SPON1: variants seen among roughly 807,000 people sequenced by gnomAD.
SPON1 encodes the protein spondin 1.
In SPON1, 52 loss-of-function variants were observed where a neutral mutation model predicts 111.7. The observed-to-expected ratio is 0.47, with a 90% CI of 0.37 to 0.59. The LOEUF (loss-of-function observed/expected upper bound fraction) is 0.59, where lower values mean the gene tolerates loss of function less well. Ranked by LOEUF, SPON1 falls within the 20% of genes least tolerant of loss-of-function variation. The pLI is 0.00. For synonymous variants in SPON1, 410 were observed against 395.8 expected, an observed-to-expected ratio of 1.04 and a Z score of -0.43; for missense variants, 957 against 1,068.5, an observed-to-expected ratio of 0.90 and a Z score of 1.46.
At chr11:14,260,459 C>A in intron 13 of SPON1, 129 bp from the exon 14 acceptor site, 2 of 964,918 alleles carry the variant, frequency 2.1e-6, no homozygotes, top group South Asian at 1.8e-5. Flanking sequence ...CTTATTTGAA[C>A]CCATGGGCCA....
At chr11:14,139,568 A>G (rs1554928542) in intron 6 of SPON1, among the ~76,000 whole-genome samples, 3 of 152,150 alleles carry the variant, frequency 2.0e-5, no homozygotes, top group Admixed American at 6.5e-5. Context: ...ATAAATATTT[A>G]TTGAACTTAT....
In SPON1 at chr11:14,160,509, TTA is replaced by T. The variant is rs1193711347; in HGVS notation, c.825+24951_825+24952del. Among the ~76,000 whole-genome samples the T allele has an allele frequency of 1.5e-4, 2 of 13,010 alleles. 1 individual carries two copies. The highest frequency in any genetic ancestry group is 6.6e-4 in the African/African-American group (2 of 3,042). 8.5% of individuals were successfully genotyped at this position (13,010 alleles called of 152,430 possible). The stretch of plus-strand genomic sequence containing the variant: ...TATATATATATTTACATATATATAT[TTA>T]TATATATATTTACATATATATATTT... On this transcript the variant is annotated intron_variant, in intron 6 of 15. Transcript: ENST00000576479.
rs782788293 is a variant in SPON1, at chr11:13,963,045, C to A, written c.141C>A (p.Ile47=). 1 of 1,582,632 alleles carries A rather than the reference C, an allele frequency of 6.3e-7. No individual in the cohort carries two copies. Among genetic ancestry groups the A allele is most frequent in the East Asian group, 2.4e-5 (1 of 42,452 alleles). Residue 47 remains isoleucine (I), a synonymous_variant, in exon 1 of 16, where the codon ATC becomes ATA. Transcript: ENST00000576479. ...VPKSEGYCSR[I]LRAQGTRREG... The stretch of plus-strand genomic sequence containing the variant: ...AGTCAGAGGGCTACTGCAGCCGTAT[C>A]CTGCGCGCCCAGGGCACGCGGCGCG...
chr11:14,068,579 A>C (rs868991893), intron 3 of SPON1, among the ~76,000 whole-genome samples: 11 of 152,306 alleles, frequency 7.2e-5, no homozygotes, highest in African/African-American at 2.4e-4. Context: ...TGGGCCTGCC[A>C]AGGGTCTCTT....
At chr11:14,111,037 C>T (rs1181424371) in intron 5 of SPON1, among the ~76,000 whole-genome samples, 1 of 152,168 alleles carries the variant, frequency 6.6e-6, no homozygotes, top group Non-Finnish European at 1.5e-5. Flanking sequence ...AACTGGGATT[C>T]TGGGGTTCAC....
At chr11:14,127,809 A>T (rs147535962) in intron 5 of SPON1, among the ~76,000 whole-genome samples, 9 of 152,260 alleles carry the variant, frequency 5.9e-5, no homozygotes, top group Non-Finnish European at 1.0e-4. Context: ...ATTGACTCAC[A>T]GTTCCGCATG....
intron 6 of SPON1, among the ~76,000 whole-genome samples, chr11:14,210,779 A>G (rs1848567074): frequency 6.6e-6 from 1 of 152,180 alleles, no homozygotes; most frequent in Non-Finnish European, 1.5e-5. Context: ...TAATTTTTGT[A>G]TAAGGTGTAA....
chr11:14,069,934 C>T (rs1848862272), intron 3 of SPON1, among the ~76,000 whole-genome samples: 1 of 152,064 alleles, frequency 6.6e-6, no homozygotes, highest in Non-Finnish European at 1.5e-5. Flanking sequence ...TCTTGGGCTT[C>T]CTGGATACTT....
At chr11:14,196,381 T>C (rs1848402348) in intron 6 of SPON1, among the ~76,000 whole-genome samples, 1 of 152,222 alleles carries the variant, frequency 6.6e-6, no homozygotes, top group South Asian at 2.1e-4. Flanking sequence ...CCATTGAAAA[T>C]GTTCTAAATC....
chr11:14,090,842 C>A (rs1387005345), intron 5 of SPON1, among the ~76,000 whole-genome samples: 4 of 42,568 alleles, frequency 9.4e-5, no homozygotes, highest in Non-Finnish European at 1.1e-4. Context: ...CCCCCCCCCC[C>A]CCGCCCACAT....
intron 7 of SPON1, among the ~76,000 whole-genome samples, chr11:14,252,915 T>G (rs1333780681): frequency 2.6e-5 from 4 of 152,232 alleles, no homozygotes; most frequent in African/African-American, 9.6e-5. Flanking sequence ...GGCTCAAGAA[T>G]CTGTATTTCT....
At chr11:14,093,796 T>A (rs527683697) in intron 5 of SPON1, among the ~76,000 whole-genome samples, 1 of 152,362 alleles carries the variant, frequency 6.6e-6, no homozygotes, top group South Asian at 2.1e-4. Flanking sequence ...ACTGTTCTAC[T>A]TTTTGCATTT....
At chr11:13,980,569 T>C (rs1310890400) in intron 1 of SPON1, among the ~76,000 whole-genome samples, 1 of 152,060 alleles carries the variant, frequency 6.6e-6, no homozygotes, top group Admixed American at 6.5e-5. Context: ...ATATTTTAAG[T>C]TTTAGGGTAC....
chr11:14,199,996 G>A (rs138860132), intron 6 of SPON1, among the ~76,000 whole-genome samples: 311 of 152,210 alleles, frequency 2.0e-3, no homozygotes, highest in Non-Finnish European at 2.7e-3. Flanking sequence ...TGCCCCATGC[G>A]TTTTTACACA....
At chr11:14,035,848 G>A (rs563677535) in intron 2 of SPON1, among the ~76,000 whole-genome samples, 1 of 152,156 alleles carries the variant, frequency 6.6e-6, no homozygotes, top group East Asian at 1.9e-4. Context: ...GAACTCCTAA[G>A]CTCAAGCAAT....
At chr11:14,183,537 G>A (rs368903937) in intron 6 of SPON1, among the ~76,000 whole-genome samples, 1 of 152,150 alleles carries the variant, frequency 6.6e-6, no homozygotes, top group East Asian at 1.9e-4. Flanking sequence ...GAGTATCGTA[G>A]CCAGTGTTTG....
At chr11:14,016,113 AGTTCCCTCTTCC>A in intron 2 of SPON1, among the ~76,000 whole-genome samples, 1 of 152,374 alleles carries the variant, frequency 6.6e-6, no homozygotes, top group Non-Finnish European at 1.5e-5. Context: ...CTCTGATGGC[AGTTCCCTCTTCC>A]TAGATTCCCT....
At chr11:14,089,419 G>T (rs1849032302) in intron 5 of SPON1, among the ~76,000 whole-genome samples, 1 of 152,116 alleles carries the variant, frequency 6.6e-6, no homozygotes, top group Admixed American at 6.5e-5. Flanking sequence ...CAGTTTGCTG[G>T]AGGTCTACTC....
chr11:14,099,963 A>G (rs1180204566), intron 5 of SPON1, among the ~76,000 whole-genome samples: 2 of 152,106 alleles, frequency 1.3e-5, no homozygotes, highest in Non-Finnish European at 2.9e-5. Flanking sequence ...CTCATCACCA[A>G]GCGGAGGGAG....
Sources: gnomAD v4.1 joint callset for allele counts (sites outside exome capture counted in the v4.1 genomes callset) on GRCh38, gnomAD v4.1.1 for gene constraint, MANE v1.5 for transcripts, NCBI Gene and HGNC (gene_info 2026-07-23, HGNC 2026-07-21) for gene names.